Variants in SATB1 observed in about 807,000 individuals in gnomAD.
SATB1 encodes the protein DNA-binding protein SATB1.
SATB1 carries 11 observed loss-of-function variants against 86.9 expected under a neutral mutation model. The ratio of observed to expected loss-of-function variants is 0.13; its 90% CI spans 0.08 to 0.21. The LOEUF is 0.21. SATB1 is among the 10% of genes least tolerant of loss of function. The pLI is 1.00. For missense variants in SATB1, 551 were observed against 937.6 expected, an observed-to-expected ratio of 0.59 and a Z score of 5.39; for synonymous variants, 357 against 357.2, an observed-to-expected ratio of 1.00 and a Z score of 0.01.
At chr3:18,417,149 A>G in intron 2 of SATB1, 71 bp from the exon 3 acceptor site, 1 of 1,444,178 alleles carries the variant, frequency 6.9e-7, no homozygotes. Context: ...GGGTGGCGGG[A>G]GGAAATATTA....
rs141228054 is a variant in SATB1 at position 18,409,448 on chromosome 3, A to G, written c.639+5663T>C. On this transcript the variant is annotated intron_variant, in intron 5 of 10. Coordinates refer to ENST00000338745, the MANE Select transcript of SATB1 (RefSeq NM_002971.6). ...AGACATCTCACTAAGTTGAAAAAGG[A>G]ACTAGAATGATGTCATGACTTGTTC... The G allele has an allele frequency of 3.3e-3, 497 of 152,176 alleles. 4 individuals are homozygous for G. Among genetic ancestry groups the G allele is most frequent in the African/African-American group, 0.011 (477 of 41,542 alleles). 9.4% of individuals were successfully genotyped at this position (152,176 alleles called of 1,614,324 possible). A position where few individuals can be genotyped will look rare whatever the true frequency, so the allele number is the denominator to read the frequency against.
chr3:18,356,783 T>C (rs921908963), intron 9 of SATB1, among the ~76,000 whole-genome samples: 6 of 151,900 alleles, frequency 3.9e-5, no homozygotes, highest in African/African-American at 9.7e-5. Context: ...ATGATTTTAA[T>C]TGAGTCAAGA....
Position 18,444,114 on chromosome 3 carries a change from C to A in SATB1, c.-25+1404G>T, listed in dbSNP as rs867756921. On this transcript the variant is annotated intron_variant, in intron 1 of 3. Coordinates refer to the SATB1 transcript ENST00000415069. The surrounding 1 kb of genome is among the most constrained non-coding windows in gnomAD (Gnocchi z 5.1). ...GGACCGGGAAAGGATGCTGAGCAGA[C>A]TCGCGATCCGGTGGGGGAACATTAC... Among the ~76,000 whole-genome samples, 1 of 152,164 alleles carries A rather than the reference C, an allele frequency of 6.6e-6. No homozygotes were observed. Among genetic ancestry groups the A allele is most frequent in the African/African-American group, 2.4e-5 (1 of 41,442 alleles).
In SATB1 at chr3:18,362,973, A is replaced by G. The variant is rs180990033; in HGVS notation, c.1576-10778T>C. 2.4e-3 allele frequency among the ~76,000 whole-genome samples: 360 copies of G among 152,108 alleles called. 2 individuals are homozygous for G. The highest frequency in any genetic ancestry group is 7.7e-3 in the African/African-American group (319 of 41,506). On this transcript the variant is annotated intron_variant, in intron 9 of 10. Coordinates refer to ENST00000338745, the MANE Select transcript of SATB1 (RefSeq NM_002971.6). The stretch of plus-strand genomic sequence containing the variant: ...GGGTAGTTTGTCTGCTTACAAAAAT[A>G]ATTTACTACCAGGTTGATTTGGATA...
rs1261135907 is a variant in SATB1, at chr3:18,346,898, T to C, written c.*2272A>G. On this transcript the variant is annotated 3_prime_UTR_variant, in exon 11 of 11. Transcript: ENST00000338745. ...TACATGAAACCTAGTTTCTATTTTC[T>C]TAATTCAAATTCCTTTGGCTCAAAT... The C allele has an allele frequency of 6.6e-6, 1 of 152,188 alleles. No individual in the cohort carries two copies. The highest frequency in any genetic ancestry group is 6.5e-5 in the Admixed American group (1 of 15,270). 9.4% of individuals were successfully genotyped at this position (152,188 alleles called of 1,614,324 possible).
chr3:18,428,579 A>G (rs2125191141), upstream of SATB1, among the ~76,000 whole-genome samples: 1 of 152,344 alleles, frequency 6.6e-6, no homozygotes, highest in Admixed American at 6.5e-5. Context: ...ATTAAGCAAT[A>G]ATGATGCATG....
At chr3:18,434,358 T>C (rs1405911401) in intron 2 of SATB1, among the ~76,000 whole-genome samples, 3 of 151,964 alleles carry the variant, frequency 2.0e-5, no homozygotes, top group Admixed American at 6.6e-5. Flanking sequence ...ATCCAATTGT[T>C]TGGCCAACAT....
intron 9 of SATB1, among the ~76,000 whole-genome samples, chr3:18,373,527 A>AT (rs975402701): frequency 6.6e-6 from 1 of 152,204 alleles, no homozygotes; most frequent in African/African-American, 2.4e-5. Context: ...TGAAAATTAC[A>AT]TTTTTAGCCC....
intron 5 of SATB1, among the ~76,000 whole-genome samples, chr3:18,413,140 C>T (rs1412770440): frequency 5.9e-5 from 9 of 152,034 alleles, no homozygotes; most frequent in Non-Finnish European, 1.0e-4. Flanking sequence ...TAGAAATTCA[C>T]CAATGTATGA....
At chr3:18,350,815 CTT>C (rs948059483) in intron 10 of SATB1, 4 of 155,418 alleles carry the variant, frequency 2.6e-5, no homozygotes, top group African/African-American at 9.7e-5. Context: ...AGATAAATAA[CTT>C]TATTACTGTT....
At chr3:18,421,843 TAAAA>T (rs201544416) in intron 1 of SATB1, among the ~76,000 whole-genome samples, 2 of 137,058 alleles carry the variant, frequency 1.5e-5, no homozygotes, top group East Asian at 2.1e-4. Context: ...CAAGCTCAAT[TAAAA>T]AAAAAAAAAA....
At chr3:18,406,111 G>A (rs1288694843) in intron 5 of SATB1, among the ~76,000 whole-genome samples, 1 of 151,916 alleles carries the variant, frequency 6.6e-6, no homozygotes, top group Admixed American at 6.6e-5. Flanking sequence ...TGGTGATCAC[G>A]CAGAAAGTGG....
At chr3:18,407,004 C>G (rs1167143873) in intron 5 of SATB1, among the ~76,000 whole-genome samples, 2 of 151,982 alleles carry the variant, frequency 1.3e-5, no homozygotes, top group Non-Finnish European at 2.9e-5. Context: ...GGGACAATTA[C>G]AGTGTACACA....
At chr3:18,419,742 A>C (rs1447070293) in intron 2 of SATB1, among the ~76,000 whole-genome samples, 1 of 152,214 alleles carries the variant, frequency 6.6e-6, no homozygotes, top group African/African-American at 2.4e-5. Flanking sequence ...GGTAATCATG[A>C]GTAGAGGCCA....
intron 9 of SATB1, among the ~76,000 whole-genome samples, chr3:18,376,136 T>C (rs1031649340): frequency 6.6e-6 from 1 of 152,108 alleles, no homozygotes; most frequent in African/African-American, 2.4e-5. Flanking sequence ...TATTAGCCAG[T>C]TGCTGCTACT....
upstream of SATB1, among the ~76,000 whole-genome samples, chr3:18,440,628 G>A (rs572059214): frequency 1.1e-3 from 166 of 152,306 alleles, no homozygotes; most frequent in Non-Finnish European, 1.5e-3. Flanking sequence ...CATTCCACAC[G>A]AGGAACAGAT....
In SATB1 at chr3:18,346,506, C is replaced by G. The variant is rs757360156; in HGVS notation, c.*2664G>C. 2 of 151,960 alleles carry G rather than the reference C, an allele frequency of 1.3e-5. No homozygotes were observed. The highest frequency in any genetic ancestry group is 4.8e-5 in the African/African-American group (2 of 41,384). The allele number at this position is 151,960 out of a possible 1,614,324, so 9.4% of individuals were successfully genotyped here. On this transcript the variant is annotated 3_prime_UTR_variant, in exon 11 of 11. Transcript: ENST00000338745. ...AATATGGAAGATCATCTGGGCAAGT[C>G]TTTTCTAAAATGTGCCATCTTCCCT... is the stretch of plus-strand genomic sequence containing the variant.
Position 18,349,819 on chromosome 3 carries a change from T to G in SATB1, c.1780-137A>C. On this transcript the variant is annotated intron_variant, in intron 10 of 10. Coordinates refer to ENST00000338745, the MANE Select transcript of SATB1 (RefSeq NM_002971.6). The surrounding 1 kb of genome is among the most constrained non-coding windows in gnomAD (Gnocchi z 5.5). ...GGGATGAAGATTTAGAAAGAAAAGG[T>G]AGGCCGGCGAAATGGCCGACAGCAT... is the stretch of plus-strand genomic sequence containing the variant. 7.1e-7 allele frequency: 1 copy of G among 1,404,974 alleles called. No individual in the cohort carries two copies. The allele number at this position is 1,404,974 out of a possible 1,614,324, so 87.0% of individuals were successfully genotyped here.
At chr3:18,440,698 C>A (rs73040357), upstream of SATB1, among the ~76,000 whole-genome samples, 26,695 of 152,000 alleles carry the variant, frequency 0.18, 2,375 homozygotes, top group East Asian at 0.23. Flanking sequence ...GAAAATATAC[C>A]CTACTGTGGA....
Sources: gnomAD v4.1 joint callset for allele counts (sites outside exome capture counted in the v4.1 genomes callset) on GRCh38, gnomAD v4.1.1 for gene constraint, Gnocchi (gnomAD v3.1) non-coding constraint, MANE v1.5 for transcripts, NCBI Gene and HGNC (gene_info 2026-07-23, HGNC 2026-07-21) for gene names.